CHD2: variants seen among roughly 807,000 people sequenced by gnomAD.
The protein encoded by CHD2 is chromodomain helicase DNA binding protein 2.
CHD2 carries 28 observed loss-of-function variants against 243.9 expected under a neutral mutation model. That is an observed-to-expected ratio of 0.11 (90% CI 0.09 to 0.16). CHD2 has a LOEUF of 0.16. CHD2 is among the 10% of genes least tolerant of loss of function. The pLI is 1.00. For missense variants in CHD2, 1,386 were observed against 2,209.8 expected, an observed-to-expected ratio of 0.63 and a Z score of 7.47; for synonymous variants, 775 against 779.0, an observed-to-expected ratio of 0.99 and a Z score of 0.09.
At chr15:92,960,714 T>TTC (rs1163715445) in intron 16 of CHD2, among the ~76,000 whole-genome samples, 1 of 141,246 alleles carries the variant, frequency 7.1e-6, no homozygotes, top group Admixed American at 7.0e-5. Flanking sequence ...TGTTTTTTTT[T>TTC]TTTTTTTTTT....
intron 20 of CHD2, among the ~76,000 whole-genome samples, chr15:92,975,329 CA>C (rs937424781): frequency 6.6e-6 from 1 of 152,170 alleles, no homozygotes; most frequent in Non-Finnish European, 1.5e-5. Context: ...TGCCATGTCT[CA>C]AATTTGTTGG....
At chr15:92,937,425 T>C in intron 5 of CHD2, 93 bp from the exon 6 acceptor site, 1 of 860,210 alleles carries the variant, frequency 1.2e-6, no homozygotes. Context: ...TGTTCTGCCC[T>C]TTGGATAGTA....
In CHD2 at chr15:93,025,654, A is replaced by T. The variant is rs9672839; in HGVS notation, c.*949A>T. ...AAAGCTACAGGACCTGGAGAAGGGG[A>T]TGCAGAGGCAGGCCTGCTGACCAAC... On this transcript the variant is annotated 3_prime_UTR_variant, in exon 39 of 39. Transcript: ENST00000394196. 1 of 152,178 alleles carries T rather than the reference A, an allele frequency of 6.6e-6. No homozygotes were observed. The highest frequency in any genetic ancestry group is 6.5e-5 in the Admixed American group (1 of 15,280). The allele number at this position is 152,178 out of a possible 1,614,324, so 9.4% of individuals were successfully genotyped here. A position where few individuals can be genotyped will look rare whatever the true frequency, so the allele number is the denominator to read the frequency against.
chr15:92,907,832 C>A (rs2052650388), intron 2 of CHD2, among the ~76,000 whole-genome samples: 3 of 152,020 alleles, frequency 2.0e-5, no homozygotes, highest in African/African-American at 7.3e-5. Flanking sequence ...TCCTTCATAT[C>A]CTAAGTTCTT....
chr15:93,014,420 C>T (rs144734472), intron 36 of CHD2, among the ~76,000 whole-genome samples: 92 of 152,332 alleles, frequency 6.0e-4, no homozygotes, highest in African/African-American at 2.1e-3. Context: ...TGGGCGCCTA[C>T]ACCATACCCT....
At chr15:93,012,519 T>C in intron 36 of CHD2, 75 bp downstream of exon 36, 2 of 1,046,948 alleles carry the variant, frequency 1.9e-6, no homozygotes, top group East Asian at 2.5e-5. Context: ...TTTTTGTTTT[T>C]CCATGGGGAG....
In CHD2 at chr15:92,984,585, G is replaced by C. The variant is rs914356197; in HGVS notation, c.3237+85G>C. 6.3e-6 allele frequency: 8 copies of C among 1,275,484 alleles called. No individual in the cohort carries two copies. In the African/African-American group the frequency reaches 1.1e-4, roughly 17 times the overall value. 79.0% of individuals were successfully genotyped at this position (1,275,484 alleles called of 1,614,324 possible). On this transcript the variant is annotated intron_variant, in intron 25 of 38. Transcript: ENST00000394196. ...GTTGATTATTCAAAGAAGAGGCCTT[G>C]CATTGTTCCCCTGACACAGAGGCTT...
chr15:92,964,115 T>C (rs2053724664), intron 16 of CHD2, among the ~76,000 whole-genome samples: 1 of 152,244 alleles, frequency 6.6e-6, no homozygotes, highest in African/African-American at 2.4e-5. Flanking sequence ...AGAGAGGAAC[T>C]TTCAATTACT....
chr15:92,945,678 G>A (rs1415142647), intron 10 of CHD2, 143 bp from the exon 11 acceptor site: 8 of 483,902 alleles, frequency 1.7e-5, no homozygotes, highest in East Asian at 3.6e-5. Flanking sequence ...GATTACAGGC[G>A]TGAGCCACTA....
chr15:92,908,518 C>T (rs187659548), intron 2 of CHD2, among the ~76,000 whole-genome samples: 2 of 152,190 alleles, frequency 1.3e-5, no homozygotes, highest in East Asian at 3.9e-4. Flanking sequence ...AGTGTCCATC[C>T]CTGCCCCTAG....
At chr15:93,016,815 TCAAA>T (rs2054467883) in intron 37 of CHD2, among the ~76,000 whole-genome samples, 1 of 143,716 alleles carries the variant, frequency 7.0e-6, no homozygotes, top group Non-Finnish European at 1.5e-5. Flanking sequence ...GAAACAAAAC[TCAAA>T]GGAATCCAGA....
intron 27 of CHD2, 39 bp downstream of exon 27, chr15:92,991,556 T>G: frequency 6.6e-7 from 1 of 1,506,760 alleles, no homozygotes; most frequent in Non-Finnish European, 9.1e-7. Context: ...TCCTCTTTTT[T>G]GCTTTTATTA....
intron 16 of CHD2, among the ~76,000 whole-genome samples, chr15:92,959,500 A>AT (rs966226580): frequency 2.0e-5 from 3 of 151,054 alleles, no homozygotes; most frequent in Admixed American, 6.6e-5. Flanking sequence ...TTTATTTTTT[A>AT]TTTTTTTTGA....
chr15:92,952,983 C>G (rs1234977529), intron 13 of CHD2, among the ~76,000 whole-genome samples: 1 of 152,234 alleles, frequency 6.6e-6, no homozygotes, highest in Non-Finnish European at 1.5e-5. Context: ...ACCAGCGGTG[C>G]TGATAGCTTT....
chr15:92,987,672 C>T (rs2054061657), intron 26 of CHD2, among the ~76,000 whole-genome samples: 1 of 150,978 alleles, frequency 6.6e-6, no homozygotes, highest in Non-Finnish European at 1.5e-5. Context: ...TTCTGCCAAT[C>T]TCTTTTTTTT....
intron 33 of CHD2, among the ~76,000 whole-genome samples, chr15:93,003,753 C>G (rs1428180916): frequency 1.3e-5 from 2 of 151,986 alleles, no homozygotes; most frequent in Non-Finnish European, 2.9e-5. Context: ...CCTTCCTGTT[C>G]ATGTTTTTAT....
intron 37 of CHD2, among the ~76,000 whole-genome samples, chr15:93,015,851 A>G (rs1322424393): frequency 6.6e-6 from 1 of 152,208 alleles, no homozygotes; most frequent in East Asian, 1.9e-4. Context: ...CAAAAAGTCA[A>G]AAGATAAGGG....
rs531088837 is a variant in CHD2, at chr15:92,956,971, CA to C, written c.2000+324del. ...ATCAATATAAGTAAAATGAAATATA[CA>C]AGGTACACAAGCACTGAAAAGTATG... On this transcript the variant is annotated intron_variant, in intron 16 of 38. Transcript: ENST00000394196. 4.4e-4 allele frequency among the ~76,000 whole-genome samples: 67 copies of C among 152,204 alleles called. 1 individual carries two copies. The highest frequency in any genetic ancestry group is 4.0e-3 in the Admixed American group (61 of 15,288).
chr15:92,975,843 C>T (rs573206048), intron 20 of CHD2, among the ~76,000 whole-genome samples: 1 of 61,118 alleles, frequency 1.6e-5, no homozygotes, highest in Non-Finnish European at 4.5e-5. Context: ...TCTTGAGGGG[C>T]TTGGGGCATT....
Sources: allele counts gnomAD v4.1 joint callset (sites outside exome capture counted in the v4.1 genomes callset), GRCh38; gene constraint gnomAD v4.1.1; transcripts MANE v1.5; gene names NCBI Gene and HGNC (gene_info 2026-07-23, HGNC 2026-07-21).